The following RASGRF1 variants were observed in gnomAD, a reference collection of about 807,000 sequenced individuals.
RASGRF1 encodes the protein Ras protein specific guanine nucleotide releasing factor 1, also known as ras-specific guanine nucleotide-releasing factor 1.
In RASGRF1, 40 loss-of-function variants were observed where a neutral mutation model predicts 138.7. That is an observed-to-expected ratio of 0.29 (90% confidence interval 0.22 to 0.38). The LOEUF (loss-of-function observed/expected upper bound fraction) is 0.38, where lower values mean the gene tolerates loss of function less well. RASGRF1 is among the 10% of genes least tolerant of loss of function. The probability of loss-of-function intolerance (pLI) is 1.00; values close to 1 mark genes in which losing one functional copy is unlikely to be tolerated. For synonymous variants in RASGRF1, 614 were observed against 663.2 expected (o/e 0.93, Z 1.14); for missense variants, 1,108 against 1,650.4 (o/e 0.67, Z 5.69).
chr15:78,965,480 C>CT (rs35252289), intron 26 of RASGRF1, among the ~76,000 whole-genome samples: 2 of 152,160 alleles, frequency 1.3e-5, no homozygotes, highest in African/African-American at 2.4e-5. Context: ...GACAGCAATG[C>CT]TTTTTTTATA....
intron 2 of RASGRF1, among the ~76,000 whole-genome samples, chr15:79,058,695 G>A (rs187816805): frequency 9.2e-5 from 14 of 152,290 alleles, no homozygotes; most frequent in Non-Finnish European, 1.9e-4. Flanking sequence ...CGGTGGGCCC[G>A]AGTGCGAGCC....
chr15:79,086,582 C>CA (rs2057983500), intron 1 of RASGRF1, among the ~76,000 whole-genome samples: 1 of 151,622 alleles, frequency 6.6e-6, no homozygotes, highest in Non-Finnish European at 1.5e-5. Flanking sequence ...AAGACCCCCC[C>CA]CCCCCAGCTT....
At chr15:78,985,879 T>C (rs7167720) in intron 22 of RASGRF1, 43,959 of 142,020 alleles carry the variant, frequency 0.31, 6,953 homozygotes, top group African/African-American at 0.42. Context: ...GAGCCAAGAT[T>C]GCGCTGCTGC....
At chr15:79,081,335 C>T (rs6495366) in intron 1 of RASGRF1, among the ~76,000 whole-genome samples, 79,918 of 152,060 alleles carry the variant, frequency 0.53, 23,355 homozygotes, top group African/African-American at 0.8. Context: ...TCATGGTACT[C>T]CCCAAATTCA....
At chr15:79,063,677 G>A (rs2057638533) in intron 2 of RASGRF1, among the ~76,000 whole-genome samples, 2 of 152,176 alleles carry the variant, frequency 1.3e-5, no homozygotes, top group South Asian at 4.1e-4. Flanking sequence ...TTAGGCAGGA[G>A]ACACAGAAAC....
rs148722229 is a variant in RASGRF1 at position 79,025,333 on chromosome 15, C to T, written c.1523G>A (p.Gly508Glu). The change falls in exon 10 of 27, where the codon GGG (glycine) becomes GAG (glutamate). Residue 508 changes from glycine to glutamate, a missense_variant. Physicochemically the swap from Gly to Glu is moderately conservative, Grantham distance 98. Around this residue, in one of 3 missense-constraint regions of RASGRF1, gnomAD observed 686 missense variants for 976.7 expected, o/e 0.70. Transcript: ENST00000558480. ...HLIICTRGSGGKLHLTKNGVI... is the reference protein window; with the variant it reads ...HLIICTRGSGEKLHLTKNGVI... ...CCTTACCTTGGTCAAGTGAAGCTTC[C>T]CTCCAGAGCCTCTGGTACAGATAAT... is the stretch of plus-strand genomic sequence containing the variant. 5.6e-6 allele frequency: 9 copies of T among 1,610,200 alleles called. No homozygotes were observed. Among genetic ancestry groups the T allele is most frequent in the Non-Finnish European group, 7.6e-6 (9 of 1,177,212 alleles).
intron 2 of RASGRF1, among the ~76,000 whole-genome samples, 192 bp downstream of exon 2, chr15:79,064,228 T>A (rs1274850530): frequency 1.3e-5 from 2 of 152,138 alleles, no homozygotes; most frequent in Non-Finnish European, 2.9e-5. Flanking sequence ...GGCCTCTCAT[T>A]CCCTGTGGCA....
chr15:79,036,228 G>A (rs1347410332), intron 5 of RASGRF1, among the ~76,000 whole-genome samples: 2 of 152,162 alleles, frequency 1.3e-5, no homozygotes, highest in Admixed American at 6.5e-5. Context: ...GAGACGTGGG[G>A]GTTTTCCCCA....
At chr15:79,051,943 G>A (rs575012186) in intron 3 of RASGRF1, among the ~76,000 whole-genome samples, 1 of 152,292 alleles carries the variant, frequency 6.6e-6, no homozygotes, top group East Asian at 1.9e-4. Flanking sequence ...CATGGAGGCA[G>A]CCTTTCCCTG....
In RASGRF1 at chr15:79,006,122, G is replaced by T; in HGVS notation, c.2075+64C>A. 6.2e-7 allele frequency: 1 copy of T among 1,604,404 alleles called. No homozygotes were observed. On this transcript the variant is annotated intron_variant, in intron 14 of 26. Coordinates refer to ENST00000558480, the MANE Select transcript of RASGRF1 (RefSeq NM_001145648.3). The surrounding 1 kb of genome is among the most constrained non-coding windows in gnomAD (Gnocchi z 4.0). ...CAGGTCACCCCCCGGCCCCGTGCAA[G>T]CTCAGTTTTCCTCCAAGGCTTGGAA...
At chr15:79,024,176 C>A (rs1257254492) in intron 10 of RASGRF1, among the ~76,000 whole-genome samples, 1 of 151,326 alleles carries the variant, frequency 6.6e-6, no homozygotes, top group Admixed American at 6.6e-5. Context: ...ACCACACCCA[C>A]CCACCACATA....
At chr15:79,045,901 T>C (rs2057348913) in intron 5 of RASGRF1, among the ~76,000 whole-genome samples, 1 of 152,226 alleles carries the variant, frequency 6.6e-6, no homozygotes, top group Non-Finnish European at 1.5e-5. Flanking sequence ...AAAAGAAATG[T>C]AGTTGAATGA....
chr15:78,980,602 A>G lies in RASGRF1; in HGVS notation c.3494+18T>C. 6.3e-7 allele frequency: 1 copy of G among 1,574,888 alleles called. No homozygotes were observed. The highest frequency in any genetic ancestry group is 8.7e-7 in the Non-Finnish European group (1 of 1,145,872). Reference sequence around the variant, plus strand: ...CTATGATTTTAAAAATAACAGCGACAAAACGACACACACTTACTTTTTCAG... The same window carrying G: ...CTATGATTTTAAAAATAACAGCGACGAAACGACACACACTTACTTTTTCAG... On this transcript the variant is annotated intron_variant, in intron 24 of 26. Coordinates refer to ENST00000558480, the MANE Select transcript of RASGRF1 (RefSeq NM_001145648.3).
Position 78,990,258 on chromosome 15 carries a change from T to G in RASGRF1, c.3147A>C (p.Gln1049His). Residue 1049 changes from glutamine to histidine, a missense_variant, in exon 22 of 27, where the codon CAA (glutamine) becomes CAC (histidine). By Grantham distance (24) the Gln-to-His change is conservative. Coordinates refer to ENST00000558480, the MANE Select transcript of RASGRF1 (RefSeq NM_001145648.3). ...KKIPYEEFFG[Q>H]GWMKLEKNER... ...CATTCTTTTCCAGTTTCATCCATCCTTGTCCGAAGAACTCCCTGTAGGAAG... is the reference window on the plus strand; with the variant it reads ...CATTCTTTTCCAGTTTCATCCATCCGTGTCCGAAGAACTCCCTGTAGGAAG... 1 of 1,608,266 alleles carries G rather than the reference T, an allele frequency of 6.2e-7. No homozygotes were observed. Among genetic ancestry groups the G allele is most frequent in the Non-Finnish European group, 8.5e-7 (1 of 1,174,582 alleles).
At chr15:79,069,557 C>G (rs2057727167) in intron 1 of RASGRF1, among the ~76,000 whole-genome samples, 1 of 152,214 alleles carries the variant, frequency 6.6e-6, no homozygotes, top group Admixed American at 6.5e-5. Flanking sequence ...ATCCTGCTTT[C>G]CAGCCAGGAT....
At chr15:79,028,742 T>G (rs2057096410) in intron 8 of RASGRF1, among the ~76,000 whole-genome samples, 1 of 152,200 alleles carries the variant, frequency 6.6e-6, no homozygotes, top group African/African-American at 2.4e-5. Context: ...CAAAACCTTT[T>G]ATCTGCTGCT....
chr15:79,030,166 T>C (rs2057116797), intron 8 of RASGRF1, among the ~76,000 whole-genome samples: 1 of 152,224 alleles, frequency 6.6e-6, no homozygotes, highest in African/African-American at 2.4e-5. Flanking sequence ...TACCCTGTGC[T>C]GTCCCTCCCT....
chr15:79,001,821 T>C, intron 15 of RASGRF1, 34 bp from the exon 16 acceptor site: 1 of 939,308 alleles, frequency 1.1e-6, no homozygotes, highest in South Asian at 2.6e-5. Context: ...TTTACTTTTC[T>C]TAATTTTAAT....
chr15:78,972,324 G>A (rs572527747), intron 25 of RASGRF1, among the ~76,000 whole-genome samples: 1 of 152,048 alleles, frequency 6.6e-6, no homozygotes, highest in East Asian at 1.9e-4. Context: ...TTGAACTTCT[G>A]ACCTCAAGTG....
Sources: allele counts gnomAD v4.1 joint callset (sites outside exome capture counted in the v4.1 genomes callset), GRCh38; gene constraint gnomAD v4.1.1; regional missense constraint gnomAD v4.1.1; non-coding constraint Gnocchi (gnomAD v3.1); transcripts MANE v1.5; gene names NCBI Gene and HGNC (gene_info 2026-07-23, HGNC 2026-07-21).